Variants in KCNT1 observed in about 807,000 individuals in gnomAD.
KCNT1 encodes the protein potassium channel subfamily T member 1.
Under a neutral mutation model 147.8 loss-of-function variants are expected in KCNT1, and 78 were observed. That is an observed-to-expected ratio of 0.53 (90% CI 0.44 to 0.64). KCNT1 has a LOEUF of 0.64. KCNT1 is among the 30% of genes least tolerant of loss of function. The probability of loss-of-function intolerance (pLI) is 0.00; values close to 1 mark genes in which losing one functional copy is unlikely to be tolerated. For missense variants in KCNT1, 1,419 were observed against 1,750.3 expected, an observed-to-expected ratio of 0.81 and a Z score of 3.38; for synonymous variants, 867 against 748.8, an observed-to-expected ratio of 1.16 and a Z score of -2.58.
At chr9:135,761,261 T>C (rs1333683886) in intron 11 of KCNT1, among the ~76,000 whole-genome samples, 3 of 152,208 alleles carry the variant, frequency 2.0e-5, no homozygotes, top group African/African-American at 4.8e-5. Flanking sequence ...CTTCTAAAAG[T>C]GTAAAGCTCG....
At chr9:135,749,259 C>T (rs1401168611) in intron 2 of KCNT1, among the ~76,000 whole-genome samples, 3 of 152,340 alleles carry the variant, frequency 2.0e-5, no homozygotes, top group East Asian at 1.9e-4. Flanking sequence ...GGTGGCCAGC[C>T]TGGGTCATGC....
intron 1 of KCNT1, among the ~76,000 whole-genome samples, chr9:135,703,427 G>A (rs1193402668): frequency 2.0e-5 from 3 of 152,190 alleles, no homozygotes; most frequent in Non-Finnish European, 4.4e-5. Context: ...CTCTGGTGAG[G>A]GACCAGGCTG....
intron 4 of KCNT1, 193 bp from the exon 5 acceptor site, chr9:135,753,744 G>A: frequency 1.6e-6 from 1 of 617,834 alleles, no homozygotes; most frequent in Non-Finnish European, 2.9e-6. Context: ...CCCTCCTGCA[G>A]GATCTCCGCA....
chr9:135,714,740 TG>T lies in KCNT1; in HGVS notation c.254+25del. The T allele has an allele frequency of 1.5e-6, 2 of 1,299,090 alleles. No individual in the cohort carries two copies. The highest frequency in any genetic ancestry group is 2.0e-6 in the Non-Finnish European group (2 of 1,006,760). The allele number at this position is 1,299,090 out of a possible 1,614,324, so 80.5% of individuals were successfully genotyped here. On this transcript the variant is annotated intron_variant, in intron 2 of 30. Coordinates refer to ENST00000371757, the MANE Select transcript of KCNT1 (RefSeq NM_020822.3). The surrounding 1 kb of genome is among the most constrained non-coding windows in gnomAD (Gnocchi z 6.2). ...CGACAGGTAGGGACCGGGCGCGGGG[TG>T]GGGGCTGGGGTCGCCGTCCCGGCGC...
At chr9:135,712,132 G>T (rs370442098) in intron 1 of KCNT1, among the ~76,000 whole-genome samples, 8 of 152,264 alleles carry the variant, frequency 5.3e-5, no homozygotes, top group African/African-American at 1.9e-4. Flanking sequence ...GCAGCGGGGT[G>T]CTCTGAGCCC....
At chr9:135,774,058 T>C (rs1832937831) in intron 19 of KCNT1, among the ~76,000 whole-genome samples, 1 of 151,802 alleles carries the variant, frequency 6.6e-6, no homozygotes, top group African/African-American at 2.4e-5. Context: ...GTGTATGTTA[T>C]GTGTGTGGTG....
intron 2 of KCNT1, among the ~76,000 whole-genome samples, chr9:135,721,578 C>T (rs1029043056): frequency 5.9e-5 from 9 of 152,328 alleles, no homozygotes; most frequent in African/African-American, 2.2e-4. Flanking sequence ...CCCAGAGCCT[C>T]GGGGCCGCCT....
chr9:135,760,605 CCT>C (rs1831850684), intron 11 of KCNT1, among the ~76,000 whole-genome samples: 1 of 152,194 alleles, frequency 6.6e-6, no homozygotes, highest in South Asian at 2.1e-4. Flanking sequence ...TCCTAGGGAG[CCT>C]CTGCTGACCC....
At chr9:135,757,494 G>A (rs1831577713) in intron 9 of KCNT1, 113 bp downstream of exon 9, 3 of 926,000 alleles carry the variant, frequency 3.2e-6, no homozygotes, top group Non-Finnish European at 5.1e-6. Flanking sequence ...GGCATGACCT[G>A]TAGAGGACCG....
At chr9:135,715,749 A>G (rs1414272547) in intron 2 of KCNT1, among the ~76,000 whole-genome samples, 1 of 152,212 alleles carries the variant, frequency 6.6e-6, no homozygotes, top group Non-Finnish European at 1.5e-5. Context: ...TAGGGACTGT[A>G]TCCATGAGGA....
chr9:135,736,811 C>T (rs1830360936), intron 2 of KCNT1: 1 of 370,692 alleles, frequency 2.7e-6, no homozygotes, highest in Non-Finnish European at 4.8e-6. Flanking sequence ...GGCCTGGGAC[C>T]CCGCTTGTCA....
At chr9:135,732,008 A>AGAGAGAGG (rs1836485360) in intron 2 of KCNT1, among the ~76,000 whole-genome samples, 2 of 97,878 alleles carry the variant, frequency 2.0e-5, no homozygotes, top group East Asian at 6.6e-4. Context: ...AGAGAGAGAG[A>AGAGAGAGG]GAGAGAGAGA....
intron 1 of KCNT1, among the ~76,000 whole-genome samples, chr9:135,713,796 TGCAA>T (rs1248077877): frequency 1.3e-5 from 2 of 152,160 alleles, no homozygotes; most frequent in Non-Finnish European, 1.5e-5. Flanking sequence ...ACAGGAAAGA[TGCAA>T]GACCCCTGGA....
At chr9:135,709,330 C>G (rs1464451429) in intron 1 of KCNT1, among the ~76,000 whole-genome samples, 1 of 152,184 alleles carries the variant, frequency 6.6e-6, no homozygotes, top group East Asian at 1.9e-4. Flanking sequence ...AGCTGTCAGT[C>G]GCTCCTCAGT....
At chr9:135,723,410 C>T (rs1564320736) in intron 2 of KCNT1, among the ~76,000 whole-genome samples, 1 of 152,258 alleles carries the variant, frequency 6.6e-6, no homozygotes, top group African/African-American at 2.4e-5. Flanking sequence ...ACAGGGCCGG[C>T]GCCGGCATCC....
chr9:135,704,244 G>T (rs909028516), intron 1 of KCNT1, among the ~76,000 whole-genome samples: 6 of 152,190 alleles, frequency 3.9e-5, no homozygotes, highest in African/African-American at 1.2e-4. Context: ...CCTTGAGCAG[G>T]CCTCTGTCTT....
chr9:135,791,855 C>T lies in KCNT1; in HGVS notation c.3561C>T (p.Asp1187=), dbSNP rs773695396. 2.4e-5 allele frequency: 38 copies of T among 1,613,964 alleles called. No individual in the cohort carries two copies. Among genetic ancestry groups the T allele is most frequent in the Non-Finnish European group, 3.2e-5 (38 of 1,179,956 alleles). Residue 1187 remains aspartate (D), a synonymous_variant, in exon 30 of 31, where the codon GAC becomes GAT. Coordinates refer to ENST00000371757, the MANE Select transcript of KCNT1 (RefSeq NM_020822.3). ...ACGTCCTCATCAACCCTCCGCCCGA[C>T]ACGAGGCTGGAGCCCAGTGACATTG... The part of the protein sequence containing the change: ...LSYVLINPPP[D]TRLEPSDIVY...
chr9:135,782,823 TCA>T (rs1380473815), intron 24 of KCNT1, among the ~76,000 whole-genome samples: 2 of 152,202 alleles, frequency 1.3e-5, no homozygotes, highest in Admixed American at 6.5e-5. Flanking sequence ...GATTGCAAAC[TCA>T]CACGCCCATC....
At chr9:135,789,821 G>A (rs1381927182) in intron 29 of KCNT1, 1 of 152,372 alleles carries the variant, frequency 6.6e-6, no homozygotes, top group African/African-American at 2.4e-5. Flanking sequence ...AAGAGCCAAA[G>A]CCAGCCCCTG....
Sources: allele counts gnomAD v4.1 joint callset (sites outside exome capture counted in the v4.1 genomes callset), GRCh38; gene constraint gnomAD v4.1.1; non-coding constraint Gnocchi (gnomAD v3.1); transcripts MANE v1.5; gene names NCBI Gene and HGNC (gene_info 2026-07-23, HGNC 2026-07-21).